Variants in SLC24A3 observed in about 807,000 individuals in gnomAD.
SLC24A3 encodes sodium/potassium/calcium exchanger 3.
A neutral mutation model predicts 75.8 loss-of-function variants in SLC24A3; 28 were observed. The observed-to-expected ratio is 0.37, with a 90% CI of 0.27 to 0.51. The LOEUF is 0.51. Among genes scored for constraint, SLC24A3 ranks in the 20% least tolerant of loss-of-function variants. SLC24A3 has a pLI of 0.94. For missense variants in SLC24A3, 663 were observed against 847.8 expected (o/e 0.78, Z 2.71); for synonymous variants, 372 against 334.1 (o/e 1.11, Z -1.24).
At chr20:19,265,838 T>A (rs996041490) in intron 1 of SLC24A3, 2 of 152,788 alleles carry the variant, frequency 1.3e-5, no homozygotes, top group Non-Finnish European at 2.9e-5. Context: ...TCTGCTTTGA[T>A]TGGCCTGGCT....
intron 2 of SLC24A3, among the ~76,000 whole-genome samples, chr20:19,333,660 A>T (rs113069213): frequency 4.7e-5 from 7 of 147,946 alleles, no homozygotes; most frequent in Admixed American, 2.0e-4. Context: ...TGTGTGTGAG[A>T]GTGTGTGTGT....
chr20:19,626,807 A>C, intron 6 of SLC24A3, among the ~76,000 whole-genome samples: 1 of 152,226 alleles, frequency 6.6e-6, no homozygotes, highest in Admixed American at 6.5e-5. Context: ...AGTTCTACTG[A>C]AAAGGCCTTG....
At chr20:19,612,990 G>A (rs1362879779) in intron 6 of SLC24A3, among the ~76,000 whole-genome samples, 1 of 152,144 alleles carries the variant, frequency 6.6e-6, no homozygotes, top group Non-Finnish European at 1.5e-5. Context: ...GTCCTGCCTT[G>A]GCACCTGCTC....
intron 1 of SLC24A3, among the ~76,000 whole-genome samples, chr20:19,222,876 A>G (rs1328534189): frequency 6.8e-6 from 1 of 147,328 alleles, no homozygotes; most frequent in Non-Finnish European, 1.5e-5. Context: ...GAATCTGGTA[A>G]GAGCTACTGC....
chr20:19,594,389 A>C (rs2031423180), intron 6 of SLC24A3, among the ~76,000 whole-genome samples: 1 of 152,194 alleles, frequency 6.6e-6, no homozygotes, highest in Admixed American at 6.5e-5. Flanking sequence ...AGAATCTAAA[A>C]ATGCAGGCCT....
intron 16 of SLC24A3, among the ~76,000 whole-genome samples, chr20:19,719,264 C>T (rs2033075708): frequency 6.6e-6 from 1 of 152,094 alleles, no homozygotes; most frequent in African/African-American, 2.4e-5. Flanking sequence ...ACAACTCTTT[C>T]ATGTTATCTG....
chr20:19,476,502 C>G (rs1199136793), intron 2 of SLC24A3, among the ~76,000 whole-genome samples: 3 of 152,156 alleles, frequency 2.0e-5, no homozygotes, highest in Non-Finnish European at 4.4e-5. Context: ...GGAAAATTTG[C>G]TAAGCTGGCT....
chr20:19,495,346 C>A (rs886439093), intron 2 of SLC24A3, among the ~76,000 whole-genome samples: 1 of 152,206 alleles, frequency 6.6e-6, no homozygotes. Flanking sequence ...AAGGAGACAT[C>A]ATTCATCTGT....
intron 6 of SLC24A3, among the ~76,000 whole-genome samples, chr20:19,593,775 C>T (rs754627881): frequency 2.0e-5 from 3 of 152,236 alleles, no homozygotes; most frequent in Non-Finnish European, 4.4e-5. Context: ...CATTCCTTCA[C>T]AGCTCAGTGC....
chr20:19,301,040 T>G (rs1984183191), intron 2 of SLC24A3, among the ~76,000 whole-genome samples: 2 of 152,136 alleles, frequency 1.3e-5, no homozygotes, highest in Admixed American at 1.3e-4. Context: ...GCCTCTGACC[T>G]TAGGAAGTAG....
intron 3 of SLC24A3, among the ~76,000 whole-genome samples, chr20:19,526,643 C>CCAT (rs1289836258): frequency 2.6e-5 from 4 of 152,188 alleles, no homozygotes; most frequent in African/African-American, 9.6e-5. Flanking sequence ...TATCCTTCCT[C>CCAT]CATCTCCCCC....
chr20:19,564,748 GAC>G (rs2030928659), intron 3 of SLC24A3, among the ~76,000 whole-genome samples: 2 of 152,150 alleles, frequency 1.3e-5, no homozygotes, highest in Non-Finnish European at 1.5e-5. Context: ...ATTAATTTTT[GAC>G]ACCATGCTTT....
At chr20:19,326,591 T>C (rs1224355005) in intron 2 of SLC24A3, among the ~76,000 whole-genome samples, 3 of 151,054 alleles carry the variant, frequency 2.0e-5, no homozygotes, top group African/African-American at 7.3e-5. Context: ...TTTTTTTTTT[T>C]TCTTGAGATA....
chr20:19,312,755 T>C (rs977320746), intron 2 of SLC24A3, among the ~76,000 whole-genome samples: 20 of 152,154 alleles, frequency 1.3e-4, no homozygotes, highest in Admixed American at 1.3e-3. Context: ...CTTGGGGTTG[T>C]GAGTTTTATC....
intron 6 of SLC24A3, among the ~76,000 whole-genome samples, chr20:19,586,889 A>G (rs137983211): frequency 3.0e-4 from 45 of 152,314 alleles, no homozygotes; most frequent in African/African-American, 1.0e-3. Context: ...CTCTCAGTCA[A>G]TGAGCTCATG....
intron 2 of SLC24A3, among the ~76,000 whole-genome samples, chr20:19,473,072 C>T (rs1044312992): frequency 6.6e-6 from 1 of 152,190 alleles, no homozygotes; most frequent in Non-Finnish European, 1.5e-5. Flanking sequence ...CATCTGATAC[C>T]AGAGTTAGTA....
chr20:19,377,384 A>G (rs1986102494), intron 2 of SLC24A3, among the ~76,000 whole-genome samples: 1 of 152,230 alleles, frequency 6.6e-6, no homozygotes. Flanking sequence ...GGACCCCAGT[A>G]GCATAATAGC....
At chr20:19,687,752 C>T (rs543144061) in intron 12 of SLC24A3, among the ~76,000 whole-genome samples, 73 of 152,286 alleles carry the variant, frequency 4.8e-4, no homozygotes, top group Admixed American at 1.7e-3. Flanking sequence ...CCAAGCACCC[C>T]TTTCAGATCC....
At chr20:19,545,271 G>T (rs2030569046) in intron 3 of SLC24A3, among the ~76,000 whole-genome samples, 1 of 152,176 alleles carries the variant, frequency 6.6e-6, no homozygotes, top group African/African-American at 2.4e-5. Flanking sequence ...GAGCAGTCCA[G>T]ACAGCAAGTG....
Sources: allele counts gnomAD v4.1 joint callset (sites outside exome capture counted in the v4.1 genomes callset), GRCh38; gene constraint gnomAD v4.1.1; transcripts MANE v1.5; gene names NCBI Gene and HGNC (gene_info 2026-07-23, HGNC 2026-07-21).